Variants in MARK2 observed in about 807,000 individuals in gnomAD.
The protein encoded by MARK2 is microtubule affinity regulating kinase 2.
Under a neutral mutation model 89.8 loss-of-function variants are expected in MARK2, and 16 were observed. The observed-to-expected ratio is 0.18, with a 90% CI of 0.12 to 0.27. The LOEUF is 0.27. Ranked by LOEUF, MARK2 falls within the 10% of genes least tolerant of loss-of-function variation. MARK2 has a pLI of 1.00. For synonymous variants in MARK2, 382 were observed against 399.5 expected (o/e 0.96, Z 0.52); for missense variants, 621 against 1,049.9 (o/e 0.59, Z 5.65).
At chr11:63,859,792 C>T (rs4980503) in intron 1 of MARK2, among the ~76,000 whole-genome samples, 73,197 of 151,784 alleles carry the variant, frequency 0.48, 19,894 homozygotes, top group East Asian at 0.88. Flanking sequence ...CCACCATGCC[C>T]GGCTTATTTT....
At chr11:63,864,233 C>T (rs988993106) in intron 1 of MARK2, among the ~76,000 whole-genome samples, 3 of 151,862 alleles carry the variant, frequency 2.0e-5, no homozygotes, top group Admixed American at 1.3e-4. Context: ...GGATTACAGG[C>T]GTGAGCCGCC....
rs745948372 is a variant in MARK2 at position 63,909,028 on chromosome 11, G to A, written c.2158G>A (p.Ala720Thr). The change falls in exon 19 of 19, where the codon GCG becomes ACG. Residue 720 changes from alanine (A) to threonine (T), a missense_variant. Physicochemically the swap from Ala to Thr is moderately conservative, Grantham distance 58. Coordinates refer to ENST00000402010, the MANE Select transcript of MARK2 (RefSeq NM_001039469.3). Reference sequence around the variant, plus strand: ...GCGGGAGATCCGCAAGGTGCTGGACGCGAACAGCTGCCAGAGCGAGCTGCA... The same window carrying A: ...GCGGGAGATCCGCAAGGTGCTGGACACGAACAGCTGCCAGAGCGAGCTGCA... ...MMREIRKVLD[A>T]NSCQSELHEK... is the part of the protein sequence containing the mutation. 1.9e-6 allele frequency: 3 copies of A among 1,598,746 alleles called. No individual in the cohort carries two copies. Among genetic ancestry groups the A allele is most frequent in the Admixed American group, 3.3e-5 (2 of 59,740 alleles).
At chr11:63,892,763 A>G (rs1478534487) in intron 1 of MARK2, among the ~76,000 whole-genome samples, 3 of 133,614 alleles carry the variant, frequency 2.2e-5, no homozygotes, top group Non-Finnish European at 4.7e-5. Flanking sequence ...GTCTCGCTCT[A>G]TCACCCAGGC....
At chr11:63,887,759 A>G (rs1483471631) in intron 1 of MARK2, among the ~76,000 whole-genome samples, 1 of 152,206 alleles carries the variant, frequency 6.6e-6, no homozygotes, top group Non-Finnish European at 1.5e-5. Context: ...AGAGACAGCC[A>G]GCTTGCCCTG....
At chr11:63,861,924 CTTTT>C (rs71039682) in intron 1 of MARK2, among the ~76,000 whole-genome samples, 1 of 97,682 alleles carries the variant, frequency 1.0e-5, no homozygotes. Flanking sequence ...TTCTTTCTTT[CTTTT>C]TTTTTTTTTT....
chr11:63,846,963 A>T (rs775945718), intron 1 of MARK2, among the ~76,000 whole-genome samples: 2 of 152,200 alleles, frequency 1.3e-5, no homozygotes, highest in Non-Finnish European at 2.9e-5. Flanking sequence ...GCCCAAAAAA[A>T]TTTTTAAAAA....
chr11:63,873,042 C>T (rs1938550318), intron 1 of MARK2, among the ~76,000 whole-genome samples: 1 of 151,880 alleles, frequency 6.6e-6, no homozygotes, highest in South Asian at 2.1e-4. Context: ...CGTTACTGTC[C>T]CGGGCTGGCA....
At chr11:63,895,729 G>T in intron 3 of MARK2, 96 bp downstream of exon 3, 1 of 1,104,302 alleles carries the variant, frequency 9.1e-7, no homozygotes, top group Non-Finnish European at 1.3e-6. Context: ...GAGTGCAATG[G>T]TGTGATCTCG....
intron 1 of MARK2, among the ~76,000 whole-genome samples, chr11:63,864,919 G>A (rs1938042110): frequency 6.6e-6 from 1 of 152,004 alleles, no homozygotes; most frequent in East Asian, 1.9e-4. Context: ...CTTTTGAGAC[G>A]AGAGTCTGAC....
intron 16 of MARK2, among the ~76,000 whole-genome samples, chr11:63,905,368 C>T (rs1213860206): frequency 1.3e-5 from 2 of 152,178 alleles, no homozygotes; most frequent in African/African-American, 4.8e-5. Context: ...CCTGGGTTCC[C>T]ATGGAAACTT....
intron 1 of MARK2, among the ~76,000 whole-genome samples, chr11:63,847,506 A>C (rs1175083124): frequency 6.6e-6 from 1 of 152,174 alleles, no homozygotes; most frequent in Non-Finnish European, 1.5e-5. Flanking sequence ...AGAACCAGTC[A>C]AGCTGGTTTT....
At position 63,903,851 on chromosome 11, in the gene MARK2, G is replaced by A. The variant is rs368450449; in HGVS notation, c.1515-135G>A. On this transcript the variant is annotated intron_variant, in intron 14 of 18. Transcript: ENST00000402010. The surrounding 1 kb of genome is among the most constrained non-coding windows in gnomAD (Gnocchi z 5.1). ...ATTCCTCAGTTCTGACTTGCATCCC[G>A]CTGCTGCCCAGGCCTGACTTCTACC... 2.2e-5 allele frequency: 14 copies of A among 647,036 alleles called. No homozygotes were observed. The highest frequency in any genetic ancestry group is 1.5e-4 in the African/African-American group (8 of 54,096). The allele number at this position is 647,036 out of a possible 1,614,324, so 40.1% of individuals were successfully genotyped here.
At chr11:63,868,874 A>G in intron 1 of MARK2, 1 of 456,048 alleles carries the variant, frequency 2.2e-6, no homozygotes, top group Non-Finnish European at 4.4e-6. Context: ...TGGCACGGGA[A>G]GAACTGATTT....
At chr11:63,865,815 G>C (rs1013012697) in intron 1 of MARK2, among the ~76,000 whole-genome samples, 1 of 152,222 alleles carries the variant, frequency 6.6e-6, no homozygotes, top group Non-Finnish European at 1.5e-5. Context: ...GGCCAGGTAA[G>C]TTGATTTTGG....
intron 1 of MARK2, among the ~76,000 whole-genome samples, chr11:63,883,233 C>G (rs1036780985): frequency 1.3e-5 from 2 of 152,180 alleles, no homozygotes; most frequent in East Asian, 3.8e-4. Context: ...TGTCGTCATC[C>G]TCTGGGCCAC....
At chr11:63,890,158 G>C in intron 1 of MARK2, 3 of 1,109,202 alleles carry the variant, frequency 2.7e-6, no homozygotes, top group Non-Finnish European at 3.7e-6. Flanking sequence ...CTTGGCCCAA[G>C]AAGCATTTCT....
At chr11:63,856,334 TTTTA>T (rs760325534) in intron 1 of MARK2, among the ~76,000 whole-genome samples, 32,675 of 109,988 alleles carry the variant, frequency 0.3, 6,089 homozygotes, top group East Asian at 0.57. Flanking sequence ...TTTTTTTTTT[TTTTA>T]AATATATGGC....
At chr11:63,878,742 T>G (rs1407902534) in intron 1 of MARK2, among the ~76,000 whole-genome samples, 1 of 152,044 alleles carries the variant, frequency 6.6e-6, no homozygotes, top group East Asian at 1.9e-4. Context: ...CCCATGGTGC[T>G]TGGAGAGCAA....
chr11:63,887,436 A>G (rs956446960), intron 1 of MARK2, among the ~76,000 whole-genome samples: 1 of 152,242 alleles, frequency 6.6e-6, no homozygotes, highest in East Asian at 1.9e-4. Flanking sequence ...TAAGCGCTGG[A>G]CATACAGTAG....
Sources: allele counts gnomAD v4.1 joint callset (sites outside exome capture counted in the v4.1 genomes callset), GRCh38; gene constraint gnomAD v4.1.1; non-coding constraint Gnocchi (gnomAD v3.1); transcripts MANE v1.5; gene names NCBI Gene and HGNC (gene_info 2026-07-23, HGNC 2026-07-21).